Variants in ITPR2 observed in about 807,000 individuals in gnomAD.
ITPR2 encodes the protein inositol 1,4,5-trisphosphate-gated calcium channel ITPR2.
Under a neutral mutation model 317.1 loss-of-function variants are expected in ITPR2, and 207 were observed. The ratio of observed to expected loss-of-function variants is 0.65; its 90% CI spans 0.58 to 0.73. The LOEUF (loss-of-function observed/expected upper bound fraction) is 0.73. ITPR2 is among the 30% of genes least tolerant of loss of function. The pLI is 0.00. For synonymous variants in ITPR2, 1,156 were observed against 1,149.1 expected, an observed-to-expected ratio of 1.01 and a Z score of -0.12; for missense variants, 2,613 against 3,284.0, an observed-to-expected ratio of 0.80 and a Z score of 4.99.
intron 55 of ITPR2, among the ~76,000 whole-genome samples, chr12:26,375,267 T>C (rs372239140): frequency 6.6e-6 from 1 of 152,200 alleles, no homozygotes; most frequent in African/African-American, 2.4e-5. Context: ...GAAATCTTTT[T>C]ATTAAGGTTA....
chr12:26,712,497 C>A (rs990106672), intron 8 of ITPR2, among the ~76,000 whole-genome samples: 1 of 152,208 alleles, frequency 6.6e-6, no homozygotes, highest in Non-Finnish European at 1.5e-5. Context: ...CCTTCAAATT[C>A]TCACATCACA....
At chr12:26,751,785 G>A (rs911962630) in intron 2 of ITPR2, among the ~76,000 whole-genome samples, 10 of 151,758 alleles carry the variant, frequency 6.6e-5, no homozygotes, top group African/African-American at 1.9e-4. Flanking sequence ...AGAATCGCTT[G>A]AACCTGGGAG....
intron 1 of ITPR2, among the ~76,000 whole-genome samples, chr12:26,812,612 T>A (rs1950776833): frequency 6.6e-6 from 1 of 152,224 alleles, no homozygotes; most frequent in Non-Finnish European, 1.5e-5. Context: ...TTTAAATGTC[T>A]AGCTGTACCA....
At chr12:26,548,760 T>G (rs753656191) in intron 37 of ITPR2, among the ~76,000 whole-genome samples, 3 of 152,100 alleles carry the variant, frequency 2.0e-5, no homozygotes, top group Non-Finnish European at 4.4e-5. Flanking sequence ...CTCAGGAAAC[T>G]GCACTCCTGG....
intron 1 of ITPR2, among the ~76,000 whole-genome samples, chr12:26,796,110 C>G (rs1950437992): frequency 6.6e-6 from 1 of 151,988 alleles, no homozygotes; most frequent in Non-Finnish European, 1.5e-5. Flanking sequence ...GGTATGTTTG[C>G]ACAAGAGAAC....
Position 26,663,903 on chromosome 12 carries a change from T to G in ITPR2, c.1552-57A>C, listed in dbSNP as rs950040711. 4 of 1,434,122 alleles carry G rather than the reference T, an allele frequency of 2.8e-6. No individual in the cohort carries two copies. The African/African-American group carries it at 5.7e-5, about 21-fold the overall frequency. 88.8% of individuals were successfully genotyped at this position (1,434,122 alleles called of 1,614,324 possible). On this transcript the variant is annotated intron_variant, in intron 14 of 56. Coordinates refer to ENST00000381340, the MANE Select transcript of ITPR2 (RefSeq NM_002223.4). ...ATGAATAAAATGTTTTGCAACCTTTTTTTTTTAACAAATAAGAACATTGAT... is the reference window on the plus strand; with the variant it reads ...ATGAATAAAATGTTTTGCAACCTTTGTTTTTTAACAAATAAGAACATTGAT...
chr12:26,339,921 T>C (rs555811182), intron 56 of ITPR2, among the ~76,000 whole-genome samples: 1 of 152,306 alleles, frequency 6.6e-6, no homozygotes, highest in East Asian at 1.9e-4. Flanking sequence ...GAGGTGCTTG[T>C]ATTTTGGCAT....
chr12:26,761,562 G>A (rs1324121253), intron 2 of ITPR2, among the ~76,000 whole-genome samples: 2 of 152,220 alleles, frequency 1.3e-5, no homozygotes, highest in African/African-American at 2.4e-5. Flanking sequence ...TGGAAGTGGA[G>A]GTGAGAGAAT....
intron 37 of ITPR2, among the ~76,000 whole-genome samples, chr12:26,540,142 T>C (rs543919970): frequency 5.3e-5 from 8 of 152,340 alleles, no homozygotes; most frequent in African/African-American, 1.4e-4. Flanking sequence ...CTTTTAGGCA[T>C]TCTTTCCCCT....
intron 2 of ITPR2, among the ~76,000 whole-genome samples, chr12:26,751,865 A>G (rs1171962617): frequency 1.5e-5 from 2 of 134,376 alleles, no homozygotes; most frequent in African/African-American, 3.3e-5. Context: ...GACTCTATCT[A>G]AAAAAAAAAA....
intron 1 of ITPR2, among the ~76,000 whole-genome samples, chr12:26,793,274 T>C (rs1036118261): frequency 2.0e-5 from 3 of 152,172 alleles, no homozygotes; most frequent in African/African-American, 7.2e-5. Context: ...CCTAGTTAAC[T>C]CATTTAGACC....
intron 1 of ITPR2, among the ~76,000 whole-genome samples, chr12:26,813,421 TTA>T (rs1950790170): frequency 6.6e-6 from 1 of 152,176 alleles, no homozygotes; most frequent in Non-Finnish European, 1.5e-5. Flanking sequence ...ATTCACAAAT[TTA>T]CTGTGAGAAA....
At chr12:26,447,709 G>A (rs535693428) in intron 45 of ITPR2, among the ~76,000 whole-genome samples, 1 of 152,020 alleles carries the variant, frequency 6.6e-6, no homozygotes, top group Non-Finnish European at 1.5e-5. Context: ...AAGGATTAAG[G>A]AATATCTCAA....
intron 37 of ITPR2, among the ~76,000 whole-genome samples, chr12:26,529,806 T>C (rs1943903932): frequency 6.6e-6 from 1 of 152,208 alleles, no homozygotes; most frequent in Admixed American, 6.5e-5. Context: ...ACATGATGGC[T>C]AGTCCATTTT....
chr12:26,571,051 G>A (rs942907620), intron 34 of ITPR2, among the ~76,000 whole-genome samples: 5 of 152,170 alleles, frequency 3.3e-5, no homozygotes, highest in African/African-American at 1.2e-4. Flanking sequence ...TTGCATTTAT[G>A]ATCACTTAAA....
At position 26,628,057 on chromosome 12, in the gene ITPR2, A is replaced by G; in HGVS notation, c.3040T>C (p.Ser1014Pro). The change falls in exon 23 of 57, where the codon TCT becomes CCT. Residue 1014 changes from serine to proline, a missense_variant. Ser to Pro is a moderately conservative substitution (Grantham distance 74). Around this residue, in one of 9 missense-constraint regions of ITPR2, gnomAD observed 817 missense variants for 897.6 expected, o/e 0.91. Coordinates refer to ENST00000381340, the MANE Select transcript of ITPR2 (RefSeq NM_002223.4). ...CCTGATGGTAGTAAAGTGTCTGGAGATCCACTGGCAGATGTCTCCGCATTG... is the reference window on the plus strand; with the variant it reads ...CCTGATGGTAGTAAAGTGTCTGGAGGTCCACTGGCAGATGTCTCCGCATTG... ...NDNAETSASG[S>P]PDTLLPSAIV... The G allele has an allele frequency of 6.2e-7, 1 of 1,612,776 alleles. No homozygotes were observed. The highest frequency in any genetic ancestry group is 8.5e-7 in the Non-Finnish European group (1 of 1,179,580).
intron 21 of ITPR2, 60 bp downstream of exon 21, chr12:26,653,916 G>T: frequency 6.9e-7 from 1 of 1,451,166 alleles, no homozygotes; most frequent in Non-Finnish European, 9.6e-7. Context: ...CTGTAGTTTT[G>T]TTTTTTATCT....
At chr12:26,388,626 G>C (rs1939737623) in intron 54 of ITPR2, among the ~76,000 whole-genome samples, 1 of 151,338 alleles carries the variant, frequency 6.6e-6, no homozygotes, top group Non-Finnish European at 1.5e-5. Flanking sequence ...GCTAATTTTT[G>C]TATCTTTTTT....
rs138678460 is a variant in ITPR2 at position 26,335,613 on chromosome 12, G to T, written c.*3784C>A. ...TTAGGCTATCTGGTTTTGATAGTGC[G>T]TGTTTTCTTCTATTAAGTGAGATAG... is the stretch of plus-strand genomic sequence containing the variant. On this transcript the variant is annotated 3_prime_UTR_variant, in exon 57 of 57. Transcript: ENST00000381340. Among the ~76,000 whole-genome samples the T allele has an allele frequency of 5.9e-5, 9 of 152,154 alleles. No homozygotes were observed. Among genetic ancestry groups the T allele is most frequent in the African/African-American group, 1.4e-4 (6 of 41,424 alleles).
Sources: gnomAD v4.1 joint callset for allele counts (sites outside exome capture counted in the v4.1 genomes callset) on GRCh38, gnomAD v4.1.1 for gene constraint, gnomAD v4.1.1 regional missense constraint, MANE v1.5 for transcripts, NCBI Gene and HGNC (gene_info 2026-07-23, HGNC 2026-07-21) for gene names.